COQ8B: variants seen among roughly 807,000 people sequenced by gnomAD.
The protein encoded by COQ8B is coenzyme Q8B.
A neutral mutation model predicts 62.0 loss-of-function variants in COQ8B; 44 were observed. The observed-to-expected ratio is 0.71, with a 90% CI of 0.56 to 0.91. The LOEUF (loss-of-function observed/expected upper bound fraction) is 0.91, where lower values mean the gene tolerates loss of function less well. Among genes scored for constraint, COQ8B ranks in the 40% least tolerant of loss-of-function variants. The pLI, the probability that COQ8B is intolerant of heterozygous loss-of-function variation, is 0.00. For synonymous variants in COQ8B, 252 were observed against 289.9 expected (o/e 0.87, Z 1.33); for missense variants, 649 against 731.6 (o/e 0.89, Z 1.30).
intron 12 of COQ8B, among the ~76,000 whole-genome samples, chr19:40,697,249 C>T (rs187629153): frequency 6.6e-6 from 1 of 151,960 alleles, no homozygotes; most frequent in East Asian, 1.9e-4. Flanking sequence ...GTAGCTGGGA[C>T]CACAGGTGCA....
chr19:40,695,914 C>T, intron 13 of COQ8B, 75 bp downstream of exon 13: 1 of 1,456,566 alleles, frequency 6.9e-7, no homozygotes, highest in Non-Finnish European at 9.6e-7. Flanking sequence ...TGCATTTCGC[C>T]TTCTTACTCC....
chr19:40,692,394 A>G (rs760455198), intron 14 of COQ8B, 21 bp from the exon 15 acceptor site: 3 of 1,607,074 alleles, frequency 1.9e-6, no homozygotes, highest in Admixed American at 3.3e-5. Flanking sequence ...GGGTGGGGGG[A>G]GAGCAAAGGC....
Position 40,705,441 on chromosome 19 carries a change from C to A in COQ8B, c.374G>T (p.Gly125Val). The change falls in exon 6 of 15, where the codon GGT becomes GTT. Residue 125 changes from glycine (G) to valine (V), a missense_variant. By Grantham distance (109) the Gly-to-Val change is moderately radical. Coordinates refer to ENST00000324464, the MANE Select transcript of COQ8B (RefSeq NM_024876.4). ...MPGGRLQSEG[G>V]SGLDSSPFLS... ...GAAGGGGCTGGAGTCCAGCCCAGAA[C>A]CACCCTCTGGGGAGAGAACAACCAT... The A allele has an allele frequency of 6.4e-7, 1 of 1,565,978 alleles. No homozygotes were observed. Among genetic ancestry groups the A allele is most frequent in the Non-Finnish European group, 8.7e-7 (1 of 1,151,696 alleles).
At position 40,692,139 on chromosome 19, in the gene COQ8B, G is replaced by A. The variant is rs748213358; in HGVS notation, c.1531C>T (p.Leu511Phe). 3 of 1,603,840 alleles carry A rather than the reference G, an allele frequency of 1.9e-6. No individual in the cohort carries two copies. Among genetic ancestry groups the A allele is most frequent in the African/African-American group, 1.3e-5 (1 of 74,750 alleles). Residue 511 changes from leucine to phenylalanine, a missense_variant, in exon 15 of 15, where the codon CTC (leucine) becomes TTC (phenylalanine). Coordinates refer to ENST00000324464, the MANE Select transcript of COQ8B (RefSeq NM_024876.4). Reference sequence around the variant, plus strand: ...TAGCGGTGGTAGGTGTCCTGGAAGAGGTCCCTGCAGGCGATGTGGGCTCGG... The same window carrying A: ...TAGCGGTGGTAGGTGTCCTGGAAGAAGTCCCTGCAGGCGATGTGGGCTCGG... Reference protein sequence around the residue: ...HLRAHIACRDLFQDTYHRYWA... With the variant: ...HLRAHIACRDFFQDTYHRYWA...
chr19:40,701,614 C>T (rs1485279741), intron 10 of COQ8B, among the ~76,000 whole-genome samples: 2 of 152,268 alleles, frequency 1.3e-5, no homozygotes, highest in Admixed American at 6.5e-5. Flanking sequence ...GAACCGGAGC[C>T]ATGTGGGGCA....
chr19:40,699,813 T>TCTGGCCAAAGCAGTTAGGCAGGGGG (rs1374235380), intron 12 of COQ8B, among the ~76,000 whole-genome samples: 1 of 152,186 alleles, frequency 6.6e-6, no homozygotes, highest in Non-Finnish European at 1.5e-5. Flanking sequence ...TTTTTCCACT[T>TCTGGCCAAAGCAGTTAGGCAGGGGG]CTGGCCAAAG....
At position 40,714,385 on chromosome 19, in the gene COQ8B, C is replaced by T; in HGVS notation, c.115G>A (p.Gly39Ser). ...TGGTAAAACTTTTGGGCCCAAGAAC[C>T]TCCACATGGTCCCTGCAAGAGATAT... ...PGPHRWGPCG[G>S]SWAQKFYQDG... Residue 39 changes from glycine to serine, a missense_variant, in exon 3 of 15, where the codon GGT becomes AGT. By Grantham distance (56) the Gly-to-Ser change is moderately conservative. Coordinates refer to ENST00000324464, the MANE Select transcript of COQ8B (RefSeq NM_024876.4). 6.2e-7 allele frequency: 1 copy of T among 1,613,974 alleles called. No homozygotes were observed. The highest frequency in any genetic ancestry group is 8.5e-7 in the Non-Finnish European group (1 of 1,179,958).
intron 4 of COQ8B, among the ~76,000 whole-genome samples, chr19:40,711,749 C>T (rs2082143396): frequency 6.6e-6 from 1 of 152,204 alleles, no homozygotes; most frequent in Non-Finnish European, 1.5e-5. Flanking sequence ...GTCCTTTCTA[C>T]ATGTCAGGGG....
chr19:40,700,196 G>A lies in COQ8B; in HGVS notation c.1036-22C>T, dbSNP rs753488008. The A allele has an allele frequency of 1.9e-6, 3 of 1,614,042 alleles. No homozygotes were observed. The East Asian group carries it at 6.7e-5, about 36-fold the overall frequency. ...AAATCTGGGGTGGGGAGAATTAACAGGCATCTCAGTGTGATCTCCCTTGTG... is the reference window on the plus strand; with the variant it reads ...AAATCTGGGGTGGGGAGAATTAACAAGCATCTCAGTGTGATCTCCCTTGTG... On this transcript the variant is annotated intron_variant, in intron 11 of 14. Coordinates refer to ENST00000324464, the MANE Select transcript of COQ8B (RefSeq NM_024876.4).
chr19:40,697,841 T>TAGAGAGAG (rs1317449334), intron 12 of COQ8B, among the ~76,000 whole-genome samples: 1 of 46,928 alleles, frequency 2.1e-5, no homozygotes, highest in South Asian at 5.7e-4. Context: ...TATATATATA[T>TAGAGAGAG]ATATATATAT....
intron 1 of COQ8B, chr19:40,715,724 T>G (rs1308147015): frequency 5.0e-6 from 3 of 598,480 alleles, no homozygotes; most frequent in Non-Finnish European, 6.3e-6. Context: ...ATGGTGCGAC[T>G]GGGAGCCCTC....
At chr19:40,706,840 T>C (rs576861323) in intron 5 of COQ8B, among the ~76,000 whole-genome samples, 1 of 152,366 alleles carries the variant, frequency 6.6e-6, no homozygotes, top group South Asian at 2.1e-4. Context: ...TGGAGGCTCA[T>C]TCTAACAGTT....
At chr19:40,701,629 A>T (rs1040043995) in intron 10 of COQ8B, among the ~76,000 whole-genome samples, 2 of 152,162 alleles carry the variant, frequency 1.3e-5, no homozygotes, top group Non-Finnish European at 2.9e-5. Flanking sequence ...GGGGCATTTA[A>T]TCGGCACACT....
intron 12 of COQ8B, among the ~76,000 whole-genome samples, chr19:40,698,599 G>C (rs1430975617): frequency 1.3e-5 from 2 of 152,048 alleles, no homozygotes; most frequent in African/African-American, 4.8e-5. Context: ...CTATCACTTG[G>C]AGTTGGGTAA....
chr19:40,710,284 G>T, intron 4 of COQ8B, 148 bp from the exon 5 acceptor site: 2 of 728,010 alleles, frequency 2.7e-6, no homozygotes, highest in Non-Finnish European at 4.4e-6. Flanking sequence ...TCGCTCTGTT[G>T]CCCAGGCTGG....
chr19:40,694,149 C>T (rs1009997222), intron 13 of COQ8B, among the ~76,000 whole-genome samples: 4 of 152,164 alleles, frequency 2.6e-5, no homozygotes, highest in African/African-American at 9.7e-5. Context: ...ACCTCCTCTT[C>T]CTGTTCCTGT....
At position 40,707,140 on chromosome 19, in the gene COQ8B, A is replaced by T. The variant is rs552042293; in HGVS notation, c.368-1693T>A. Among the ~76,000 whole-genome samples the T allele has an allele frequency of 2.0e-3, 306 of 152,116 alleles. 1 individual carries two copies. The highest frequency in any genetic ancestry group is 7.1e-3 in the African/African-American group (294 of 41,510). On this transcript the variant is annotated intron_variant, in intron 5 of 14. Coordinates refer to ENST00000324464, the MANE Select transcript of COQ8B (RefSeq NM_024876.4). The stretch of plus-strand genomic sequence containing the variant: ...AAAAATTAGCTGGGCATGGTGGTGC[A>T]TGCCTATAGTCCCAGCTACTCAGGA...
chr19:40,714,439 T>C, intron 2 of COQ8B, 42 bp from the exon 3 acceptor site: 1 of 1,612,654 alleles, frequency 6.2e-7, no homozygotes, highest in Non-Finnish European at 8.5e-7. Context: ...GGACATGGGA[T>C]CACCTGGCCC....
At position 40,692,112 on chromosome 19, in the gene COQ8B, A is replaced by G. The variant is rs1792024152; in HGVS notation, c.1558T>C (p.Trp520Arg). The G allele has an allele frequency of 6.2e-7, 1 of 1,608,146 alleles. No homozygotes were observed. Among genetic ancestry groups the G allele is most frequent in the Admixed American group, 1.7e-5 (1 of 59,054 alleles). The change falls in exon 15 of 15, where the codon TGG (tryptophan) becomes CGG (arginine). Residue 520 changes from tryptophan to arginine, a missense_variant. Transcript: ENST00000324464. ...GCTGCGTCTGGCTGGCGACTGGCCC[A>G]GTAGCGGTGGTAGGTGTCCTGGAAG... is the stretch of plus-strand genomic sequence containing the variant. ...DLFQDTYHRY[W>R]ASRQPDAATA... is the part of the protein sequence containing the mutation.
Sources: allele counts gnomAD v4.1 joint callset (sites outside exome capture counted in the v4.1 genomes callset), GRCh38; gene constraint gnomAD v4.1.1; transcripts MANE v1.5; gene names NCBI Gene and HGNC (gene_info 2026-07-23, HGNC 2026-07-21).